DOCK3: variants seen among roughly 807,000 people sequenced by gnomAD.
The protein encoded by DOCK3 is dedicator of cytokinesis 3.
Under a neutral mutation model 265.6 loss-of-function variants are expected in DOCK3, and 60 were observed. The observed-to-expected ratio is 0.23, with a 90% CI of 0.18 to 0.28. The LOEUF (loss-of-function observed/expected upper bound fraction) is 0.28. DOCK3 is among the 10% of genes least tolerant of loss of function. The pLI, the probability that DOCK3 is intolerant of heterozygous loss-of-function variation, is 1.00. For synonymous variants in DOCK3, 881 were observed against 938.0 expected (o/e 0.94, Z 1.11); for missense variants, 1,981 against 2,594.3 (o/e 0.76, Z 5.14).
At chr3:50,794,900 AG>A (rs2042685289) in intron 2 of DOCK3, among the ~76,000 whole-genome samples, 2 of 152,158 alleles carry the variant, frequency 1.3e-5, no homozygotes, top group Non-Finnish European at 2.9e-5. Flanking sequence ...TGCTTCCTTC[AG>A]GAGCTCTTTT....
intron 3 of DOCK3, among the ~76,000 whole-genome samples, chr3:50,864,249 T>C (rs1438802331): frequency 6.6e-6 from 1 of 152,202 alleles, no homozygotes; most frequent in Non-Finnish European, 1.5e-5. Context: ...CATTTGTACA[T>C]CTTTTGAGAA....
At chr3:51,271,736 A>G (rs1268284920) in intron 24 of DOCK3, among the ~76,000 whole-genome samples, 1 of 152,100 alleles carries the variant, frequency 6.6e-6, no homozygotes, top group Admixed American at 6.6e-5. Flanking sequence ...CTGTAATCCC[A>G]GCTACTCAGG....
intron 2 of DOCK3, among the ~76,000 whole-genome samples, chr3:50,814,447 G>A (rs770503024): frequency 6.7e-6 from 1 of 148,288 alleles, no homozygotes; most frequent in Non-Finnish European, 1.5e-5. Context: ...TTTTTTTTTG[G>A]TAGAGACAGG....
intron 21 of DOCK3, among the ~76,000 whole-genome samples, chr3:51,239,565 TG>T (rs75964728): frequency 0.23 from 33,763 of 145,340 alleles, 4,258 homozygotes; most frequent in South Asian, 0.39. Flanking sequence ...GTTTTTTTTT[TG>T]TTTGTTTGTT....
At chr3:50,749,612 C>T (rs1332942664) in intron 1 of DOCK3, among the ~76,000 whole-genome samples, 1 of 152,120 alleles carries the variant, frequency 6.6e-6, no homozygotes, top group African/African-American at 2.4e-5. Context: ...TCATCTTTCA[C>T]TGCCTCTTTG....
chr3:50,722,637 A>G (rs2037543129), intron 1 of DOCK3, among the ~76,000 whole-genome samples: 1 of 152,170 alleles, frequency 6.6e-6, no homozygotes, highest in Non-Finnish European at 1.5e-5. Flanking sequence ...TAGTCAATAG[A>G]AGTAGCCTTA....
chr3:51,271,030 T>A, intron 24 of DOCK3, 23 bp downstream of exon 24: 1 of 1,600,264 alleles, frequency 6.2e-7, no homozygotes, highest in Non-Finnish European at 8.5e-7. Flanking sequence ...GGGATGAGAG[T>A]CCTCCTTCCT....
intron 14 of DOCK3, among the ~76,000 whole-genome samples, chr3:51,223,110 A>T (rs1053420425): frequency 2.6e-5 from 4 of 152,082 alleles, no homozygotes; most frequent in African/African-American, 7.2e-5. Flanking sequence ...AGCTAATTTT[A>T]AAAAATTTGT....
chr3:50,944,288 C>G (rs888461674), intron 5 of DOCK3, among the ~76,000 whole-genome samples: 1 of 152,096 alleles, frequency 6.6e-6, no homozygotes. Context: ...TATCTGAGAA[C>G]CATCATTTGT....
intron 5 of DOCK3, among the ~76,000 whole-genome samples, chr3:51,004,305 C>CTTTA (rs913918064): frequency 6.6e-6 from 1 of 152,098 alleles, no homozygotes. Flanking sequence ...TAAGAGCAGA[C>CTTTA]TTTACTTCAG....
At position 50,743,863 on chromosome 3, in the gene DOCK3, A is replaced by G. The variant is rs2039244558; in HGVS notation, c.38-34812A>G. 2.0e-5 allele frequency among the ~76,000 whole-genome samples: 3 copies of G among 152,302 alleles called. No homozygotes were observed. In the South Asian group the frequency reaches 6.2e-4, roughly 32 times the overall value. On this transcript the variant is annotated intron_variant, in intron 1 of 52. Transcript: ENST00000266037. ...GTAACTGCCAAGCTGTTTATGGAAA[A>G]CTGCTATAAAGCAGCTGTACCATTT...
chr3:50,974,145 T>C (rs1343052551), intron 5 of DOCK3, among the ~76,000 whole-genome samples: 1 of 151,886 alleles, frequency 6.6e-6, no homozygotes, highest in East Asian at 1.9e-4. Flanking sequence ...TTAGTTTAAT[T>C]AGATCCCATT....
At chr3:50,842,491 A>T (rs532777729) in intron 3 of DOCK3, among the ~76,000 whole-genome samples, 11 of 152,332 alleles carry the variant, frequency 7.2e-5, no homozygotes, top group Non-Finnish European at 1.5e-4. Flanking sequence ...AGGAAACAGT[A>T]TCTTTACATT....
chr3:51,121,688 C>T (rs1211617073), intron 9 of DOCK3, among the ~76,000 whole-genome samples: 1 of 152,088 alleles, frequency 6.6e-6, no homozygotes, highest in Non-Finnish European at 1.5e-5. Context: ...ATGTAAAGGT[C>T]TGGATCAGTC....
intron 3 of DOCK3, among the ~76,000 whole-genome samples, chr3:50,886,564 C>T (rs6805258): frequency 8.0e-6 from 1 of 125,366 alleles, no homozygotes; most frequent in Admixed American, 8.6e-5. Flanking sequence ...CCCCCTCCCC[C>T]CACCCCACCA....
chr3:50,835,294 GTTT>G (rs1365601326), intron 2 of DOCK3, among the ~76,000 whole-genome samples: 1 of 152,096 alleles, frequency 6.6e-6, no homozygotes, highest in Non-Finnish European at 1.5e-5. Flanking sequence ...ATGCAAAACT[GTTT>G]TTATTTCCCA....
At chr3:51,089,348 A>G in intron 8 of DOCK3, 64 bp downstream of exon 8, 1 of 1,535,408 alleles carries the variant, frequency 6.5e-7, no homozygotes, top group South Asian at 1.2e-5. Flanking sequence ...AGATTACAAC[A>G]TATGAATACA....
At chr3:51,180,504 T>A (rs1166879420) in intron 12 of DOCK3, among the ~76,000 whole-genome samples, 1 of 152,180 alleles carries the variant, frequency 6.6e-6, no homozygotes, top group African/African-American at 2.4e-5. Flanking sequence ...CATGCCTGGA[T>A]GGGACCACAT....
intron 2 of DOCK3, among the ~76,000 whole-genome samples, chr3:50,800,336 A>G (rs1390803897): frequency 6.6e-6 from 1 of 152,112 alleles, no homozygotes; most frequent in African/African-American, 2.4e-5. Context: ...TTCTTTGTTG[A>G]AAGACCTTTT....
Sources: gnomAD v4.1 joint callset for allele counts (sites outside exome capture counted in the v4.1 genomes callset) on GRCh38, gnomAD v4.1.1 for gene constraint, MANE v1.5 for transcripts, NCBI Gene and HGNC (gene_info 2026-07-23, HGNC 2026-07-21) for gene names.